The following GRM8 variants were observed in gnomAD, a reference collection of about 807,000 sequenced individuals.
The protein encoded by GRM8 is glutamate metabotropic receptor 8, also known as metabotropic glutamate receptor 8.
GRM8 carries 47 observed loss-of-function variants against 87.2 expected under a neutral mutation model. The observed-to-expected ratio is 0.54, with a 90% CI of 0.43 to 0.69. GRM8 has a LOEUF of 0.69. GRM8 is among the 30% of genes least tolerant of loss of function. GRM8 has a pLI of 0.00. For synonymous variants in GRM8, 396 were observed against 404.5 expected, an observed-to-expected ratio of 0.98 and a Z score of 0.25; for missense variants, 1,019 against 1,139.2, an observed-to-expected ratio of 0.89 and a Z score of 1.52.
At chr7:126,841,985 G>A (rs1796311056) in intron 6 of GRM8, among the ~76,000 whole-genome samples, 1 of 152,030 alleles carries the variant, frequency 6.6e-6, no homozygotes, top group Admixed American at 6.6e-5. Context: ...TGACAGTGTG[G>A]AATAAAACAG....
intron 8 of GRM8, among the ~76,000 whole-genome samples, chr7:126,576,810 G>A (rs1795154860): frequency 6.6e-6 from 1 of 152,194 alleles, no homozygotes; most frequent in East Asian, 1.9e-4. Context: ...GACTGCAAAG[G>A]TGGGTATTTC....
intron 8 of GRM8, among the ~76,000 whole-genome samples, chr7:126,601,241 T>G (rs939402042): frequency 4.3e-4 from 66 of 152,266 alleles, no homozygotes; most frequent in African/African-American, 1.2e-3. Context: ...TTCATCCATG[T>G]CCCTACAAAC....
At chr7:126,792,894 G>C (rs750004304) in intron 6 of GRM8, among the ~76,000 whole-genome samples, 117 of 152,056 alleles carry the variant, frequency 7.7e-4, no homozygotes, top group Non-Finnish European at 1.5e-4. Context: ...CTGCCCCTCG[G>C]CTACAAAAGA....
At chr7:126,810,368 G>T (rs182025598) in intron 6 of GRM8, among the ~76,000 whole-genome samples, 5 of 152,110 alleles carry the variant, frequency 3.3e-5, no homozygotes, top group Non-Finnish European at 5.9e-5. Context: ...ATCTGGACAG[G>T]TTGAGGTTTA....
chr7:127,140,450 A>C (rs1388441565), intron 2 of GRM8, among the ~76,000 whole-genome samples: 2 of 152,152 alleles, frequency 1.3e-5, no homozygotes, highest in Admixed American at 6.5e-5. Context: ...ATATTTCTAC[A>C]CTACAATGTA....
intron 6 of GRM8, among the ~76,000 whole-genome samples, chr7:126,835,858 C>T (rs987494264): frequency 1.3e-5 from 2 of 152,126 alleles, no homozygotes; most frequent in African/African-American, 4.8e-5. Flanking sequence ...ACATTTTTCT[C>T]CTTTAAAATA....
intron 8 of GRM8, among the ~76,000 whole-genome samples, chr7:126,572,462 G>A (rs1450643877): frequency 6.6e-6 from 1 of 152,158 alleles, no homozygotes; most frequent in Admixed American, 6.6e-5. Flanking sequence ...GAATGCTGGA[G>A]GATGCCAAGT....
intron 3 of GRM8, among the ~76,000 whole-genome samples, chr7:126,998,131 T>C (rs141881306): frequency 6.4e-4 from 97 of 152,090 alleles, no homozygotes; most frequent in African/African-American, 1.9e-3. Flanking sequence ...ATCAATGTGA[T>C]ATATCATATC....
intron 7 of GRM8, among the ~76,000 whole-genome samples, chr7:126,698,420 T>C (rs1439212058): frequency 6.6e-6 from 1 of 152,190 alleles, no homozygotes; most frequent in Non-Finnish European, 1.5e-5. Context: ...ATGTATTTTA[T>C]AAATATTTAA....
intron 6 of GRM8, among the ~76,000 whole-genome samples, chr7:126,817,680 G>T (rs1793916905): frequency 6.6e-6 from 1 of 152,090 alleles, no homozygotes; most frequent in South Asian, 2.1e-4. Context: ...GCTATCATCA[G>T]TTTTGAGCAA....
chr7:127,106,266 T>C (rs1231969515), intron 3 of GRM8, among the ~76,000 whole-genome samples: 1 of 152,210 alleles, frequency 6.6e-6, no homozygotes, highest in Non-Finnish European at 1.5e-5. Context: ...AAAATGTTCA[T>C]TTGAGTCAGG....
chr7:126,641,382 G>GT (rs1802368065), intron 7 of GRM8, among the ~76,000 whole-genome samples: 1 of 152,114 alleles, frequency 6.6e-6, no homozygotes, highest in Non-Finnish European at 1.5e-5. Context: ...CTCACTATGA[G>GT]TAAGCGTCAG....
chr7:126,727,306 C>T (rs374779742), intron 7 of GRM8, among the ~76,000 whole-genome samples: 1 of 151,900 alleles, frequency 6.6e-6, no homozygotes, highest in East Asian at 1.9e-4. Flanking sequence ...CATTGACATT[C>T]ATATATTAAT....
chr7:127,052,462 A>G (rs1006656567), intron 3 of GRM8, among the ~76,000 whole-genome samples: 1 of 152,238 alleles, frequency 6.6e-6, no homozygotes, highest in African/African-American at 2.4e-5. Flanking sequence ...CAGGAATTGT[A>G]GAACCTGTGT....
chr7:126,954,506 T>C (rs1808481322), intron 3 of GRM8, among the ~76,000 whole-genome samples: 1 of 152,222 alleles, frequency 6.6e-6, no homozygotes. Flanking sequence ...TTATTTGTTA[T>C]CTGAAATTCA....
intron 9 of GRM8, among the ~76,000 whole-genome samples, chr7:126,488,037 C>T (rs746895466): frequency 2.5e-4 from 38 of 151,928 alleles, no homozygotes; most frequent in Non-Finnish European, 5.0e-4. Flanking sequence ...CTCATAAGAG[C>T]TTTTCCTTGA....
intron 10 of GRM8, among the ~76,000 whole-genome samples, chr7:126,442,862 G>A (rs968081440): frequency 4.6e-5 from 7 of 152,030 alleles, no homozygotes; most frequent in Non-Finnish European, 8.8e-5. Context: ...AAAAGGAAGT[G>A]TAAGGTTCTG....
intron 7 of GRM8, among the ~76,000 whole-genome samples, chr7:126,738,096 G>T (rs2151500295): frequency 6.6e-6 from 1 of 152,226 alleles, no homozygotes; most frequent in East Asian, 1.9e-4. Context: ...TCATAAAGGT[G>T]GGCATGACCC....
intron 7 of GRM8, among the ~76,000 whole-genome samples, chr7:126,708,852 G>A (rs1810816802): frequency 6.6e-6 from 1 of 152,062 alleles, no homozygotes; most frequent in Non-Finnish European, 1.5e-5. Flanking sequence ...AGATGTTGGT[G>A]AGGGGATTCA....
Sources: allele counts gnomAD v4.1 joint callset (sites outside exome capture counted in the v4.1 genomes callset), GRCh38; gene constraint gnomAD v4.1.1; transcripts MANE v1.5; gene names NCBI Gene and HGNC (gene_info 2026-07-23, HGNC 2026-07-21).